INSYN1: variants seen among roughly 807,000 people sequenced by gnomAD.
The protein encoded by INSYN1 is UPF0583 protein C15orf59.
INSYN1 carries 7 observed loss-of-function variants against 17.1 expected under a neutral mutation model. The ratio of observed to expected loss-of-function variants is 0.41; its 90% confidence interval spans 0.23 to 0.77. INSYN1 has a LOEUF of 0.77. Ranked by LOEUF, INSYN1 falls within the 30% of genes least tolerant of loss-of-function variation. The pLI, the probability that INSYN1 is intolerant of heterozygous loss-of-function variation, is 0.32. For missense variants in INSYN1, 339 were observed against 400.6 expected (o/e 0.85, Z 1.31); for synonymous variants, 174 against 166.3 (o/e 1.05, Z -0.36).
chr15:73,740,127 T>C lies in INSYN1; in HGVS notation c.672A>G (p.Thr224=). The change falls in exon 3 of 3, where the codon ACA becomes ACG. Residue 224 remains threonine (T), a synonymous_variant. Coordinates refer to ENST00000569673, the MANE Select transcript of INSYN1 (RefSeq NM_001039614.3). ...EVGLPPEPAH[T]EAHAGPHKPS... is the part of the protein sequence containing the mutation. Reference sequence around the variant, plus strand: ...GCTTGTGGGGGCCTGCATGGGCCTCTGTATGGGCAGGCTCAGGGGGCAAGC... The same window carrying C: ...GCTTGTGGGGGCCTGCATGGGCCTCCGTATGGGCAGGCTCAGGGGGCAAGC... The C allele has an allele frequency of 1.2e-6, 2 of 1,613,952 alleles. No individual in the cohort carries two copies. Among genetic ancestry groups the C allele is most frequent in the Non-Finnish European group, 1.7e-6 (2 of 1,179,938 alleles).
rs982225868 is a variant in INSYN1, at chr15:73,738,792, A to G, written c.*1125T>C. ...TGGTGATTAAATGAGATGCTGCTAT[A>G]AAAAGTATTCGGCATAGAAGTAGCA... On this transcript the variant is annotated 3_prime_UTR_variant, in exon 3 of 3. Coordinates refer to ENST00000569673, the MANE Select transcript of INSYN1 (RefSeq NM_001039614.3). The G allele has an allele frequency of 6.6e-6, 1 of 152,260 alleles. No individual in the cohort carries two copies. Among genetic ancestry groups the G allele is most frequent in the Non-Finnish European group, 1.5e-5 (1 of 68,050 alleles). 9.4% of individuals were successfully genotyped at this position (152,260 alleles called of 1,614,324 possible). A position where few individuals can be genotyped will look rare whatever the true frequency, so the allele number is the denominator to read the frequency against.
intron 2 of INSYN1, among the ~76,000 whole-genome samples, chr15:73,748,866 C>T (rs920538782): frequency 6.6e-6 from 1 of 152,174 alleles, no homozygotes; most frequent in African/African-American, 2.4e-5. Context: ...GAGGCTTACC[C>T]ACTCCCCCAG....
chr15:73,740,879 C>T (rs1901675596), intron 2 of INSYN1, among the ~76,000 whole-genome samples: 1 of 152,218 alleles, frequency 6.6e-6, no homozygotes, highest in South Asian at 2.1e-4. Context: ...GTCTGTTTAC[C>T]ACTGTTCAGT....
Position 73,739,831 on chromosome 15 carries a change from T to G in INSYN1, c.*86A>C. The G allele has an allele frequency of 8.5e-6, 2 of 235,852 alleles. No individual in the cohort carries two copies. Among genetic ancestry groups the G allele is most frequent in the East Asian group, 1.0e-4 (1 of 10,020 alleles). The allele number at this position is 235,852 out of a possible 1,614,324, so 14.6% of individuals were successfully genotyped here. A position where few individuals can be genotyped will look rare whatever the true frequency, so the allele number is the denominator to read the frequency against. On this transcript the variant is annotated 3_prime_UTR_variant, in exon 3 of 3. Coordinates refer to ENST00000569673, the MANE Select transcript of INSYN1 (RefSeq NM_001039614.3). ...TTTTTAAATTTTATTATGACTTCATTTGTTTAAATATATATATATATATAT... is the reference window on the plus strand; with the variant it reads ...TTTTTAAATTTTATTATGACTTCATGTGTTTAAATATATATATATATATAT...
chr15:73,747,398 C>T (rs1336809974), intron 2 of INSYN1, among the ~76,000 whole-genome samples: 1 of 152,200 alleles, frequency 6.6e-6, no homozygotes, highest in Admixed American at 6.5e-5. Context: ...GGCTAAGAAA[C>T]TGATGTGATT....
rs1902020425 is a variant in INSYN1, at chr15:73,752,586, C to T, written c.-1044G>A. 1 of 152,274 alleles carries T rather than the reference C, an allele frequency of 6.6e-6. No individual in the cohort carries two copies. The highest frequency in any genetic ancestry group is 1.5e-5 in the Non-Finnish European group (1 of 68,158). The allele number at this position is 152,274 out of a possible 1,614,324, so 9.4% of individuals were successfully genotyped here. ...CGTGTTCCGCTGGGGTCTGCCCTGCCCTACCCCGCCCGGAGTGAGCTGGCA... is the reference window on the plus strand; with the variant it reads ...CGTGTTCCGCTGGGGTCTGCCCTGCTCTACCCCGCCCGGAGTGAGCTGGCA... On this transcript the variant is annotated 5_prime_UTR_variant, in exon 1 of 3. Coordinates refer to ENST00000569673, the MANE Select transcript of INSYN1 (RefSeq NM_001039614.3). This position sits in a 1 kb window ranked among gnomAD's most constrained non-coding sequence, Gnocchi z 5.2.
At chr15:73,746,422 G>A (rs1026308411) in intron 2 of INSYN1, among the ~76,000 whole-genome samples, 1 of 152,176 alleles carries the variant, frequency 6.6e-6, no homozygotes, top group Non-Finnish European at 1.5e-5. Flanking sequence ...GCAGCTCCGT[G>A]GTCCCCAGCC....
intron 2 of INSYN1, 115 bp from the exon 3 acceptor site, chr15:73,740,757 C>G (rs767412438): frequency 2.3e-6 from 2 of 864,172 alleles, no homozygotes; most frequent in Non-Finnish European, 3.7e-6. Context: ...GCGTACTGGA[C>G]AGGGGAGAGC....
Position 73,752,177 on chromosome 15 carries a change from G to C in INSYN1, c.-635C>G, listed in dbSNP as rs1596041490. ...GCCAAGCCCCAAGACGGAGTTGGGGGGCCCCCAAGGCTCCCTAGGGCGGGC... is the reference window on the plus strand; with the variant it reads ...GCCAAGCCCCAAGACGGAGTTGGGGCGCCCCCAAGGCTCCCTAGGGCGGGC... On this transcript the variant is annotated 5_prime_UTR_variant, in exon 1 of 3. Coordinates refer to ENST00000569673, the MANE Select transcript of INSYN1 (RefSeq NM_001039614.3). This position sits in a 1 kb window ranked among gnomAD's most constrained non-coding sequence, Gnocchi z 5.2. 1.3e-5 allele frequency: 2 copies of C among 152,474 alleles called. No homozygotes were observed. Among genetic ancestry groups the C allele is most frequent in the African/African-American group, 4.8e-5 (2 of 41,502 alleles). 9.4% of individuals were successfully genotyped at this position (152,474 alleles called of 1,614,324 possible).
rs576671915 is a variant in INSYN1, at chr15:73,739,928, C to T, written c.871G>A (p.Gly291Arg). The T allele has an allele frequency of 1.9e-6, 3 of 1,593,946 alleles. No individual in the cohort carries two copies. The highest frequency in any genetic ancestry group is 2.2e-5 in the East Asian group (1 of 44,448). ...CCCCTCCCCGGCCCCTAGTTTTTCC[C>T]CCTGGCTTTCTGTCTAGTGGCTGTG... ...PYTATRQKAR[G>R]KN Residue 291 changes from glycine to arginine, a missense_variant, in exon 3 of 3, where the codon GGG (glycine) becomes AGG (arginine). Transcript: ENST00000569673.
rs951005576 is a variant in INSYN1 at position 73,753,002 on chromosome 15, CG to C, written c.-1461del. Among the ~76,000 whole-genome samples, 6 of 150,220 alleles carry C rather than the reference CG, an allele frequency of 4.0e-5. No individual in the cohort carries two copies. The highest frequency in any genetic ancestry group is 3.3e-4 in the Admixed American group (5 of 15,146). ...GGGCGAGCGGCGGGCCGGGCCGGGC[CG>C]GGGCGCACTAGGCTCGCAGCCTCCG... On this transcript the variant is annotated 5_prime_UTR_variant, in exon 1 of 3. Transcript: ENST00000569673. This position sits in a 1 kb window ranked among gnomAD's most constrained non-coding sequence, Gnocchi z 4.2.
rs559180260 is a variant in INSYN1, at chr15:73,740,574, C to T, written c.225G>A (p.Thr75=). Residue 75 remains threonine, a synonymous_variant, in exon 3 of 3, where the codon ACG becomes ACA. Transcript: ENST00000569673. ...DFELEPDDWT[T]ATVSSTSSSD... ...TGCTAGAGGTGCTGCTCACAGTGGC[C>T]GTGGTCCAGTCGTCCGGCTCCAGTT... The T allele has an allele frequency of 2.7e-5, 44 of 1,614,074 alleles. 1 individual carries two copies. The East Asian group carries it at 5.3e-4, about 20-fold the overall frequency.
At chr15:73,745,739 G>A (rs928948433) in intron 2 of INSYN1, among the ~76,000 whole-genome samples, 1 of 151,712 alleles carries the variant, frequency 6.6e-6, no homozygotes, top group African/African-American at 2.4e-5. Context: ...AACCCAGGAG[G>A]CAGAGCTTGC....
chr15:73,748,841 G>A (rs1483231638), intron 2 of INSYN1, among the ~76,000 whole-genome samples: 2 of 152,166 alleles, frequency 1.3e-5, no homozygotes, highest in Non-Finnish European at 2.9e-5. Flanking sequence ...CCTGCCTGGG[G>A]GACGAGAGAG....
At chr15:73,742,344 G>C (rs898157114) in intron 2 of INSYN1, among the ~76,000 whole-genome samples, 11 of 152,174 alleles carry the variant, frequency 7.2e-5, no homozygotes, top group African/African-American at 2.7e-4. Context: ...GACAATCCCA[G>C]ACCACCAAGT....
At chr15:73,743,096 T>C (rs1329057798) in intron 2 of INSYN1, among the ~76,000 whole-genome samples, 1 of 151,928 alleles carries the variant, frequency 6.6e-6, no homozygotes, top group African/African-American at 2.4e-5. Context: ...AGCTGTGGAG[T>C]TTGCTGCTGC....
intron 2 of INSYN1, among the ~76,000 whole-genome samples, chr15:73,746,575 C>G (rs1291141099): frequency 6.6e-6 from 1 of 152,194 alleles, no homozygotes; most frequent in Non-Finnish European, 1.5e-5. Context: ...GCCAGGATGA[C>G]TGCTTCCTAG....
At chr15:73,749,550 G>C (rs1901923672) in intron 2 of INSYN1, among the ~76,000 whole-genome samples, 1 of 152,210 alleles carries the variant, frequency 6.6e-6, no homozygotes, top group Non-Finnish European at 1.5e-5. Flanking sequence ...TGAGACTTTG[G>C]ACAGTTCCCA....
rs1160866508 is a variant in INSYN1, at chr15:73,753,066, C to T, written c.-1524G>A. ...ACCTCCCGTCCGTTCGCTCTCGGCT[C>T]CCCGCCTCAGCAGCCCCCGGGCGCC... On this transcript the variant is annotated 5_prime_UTR_variant, in exon 1 of 3. Transcript: ENST00000569673. This position sits in a 1 kb window ranked among gnomAD's most constrained non-coding sequence, Gnocchi z 4.2. Among the ~76,000 whole-genome samples, 1 of 150,516 alleles carries T rather than the reference C, an allele frequency of 6.6e-6. No homozygotes were observed. Among genetic ancestry groups the T allele is most frequent in the African/African-American group, 2.4e-5 (1 of 41,218 alleles).
Sources: gnomAD v4.1 joint callset for allele counts (sites outside exome capture counted in the v4.1 genomes callset) on GRCh38, gnomAD v4.1.1 for gene constraint, Gnocchi (gnomAD v3.1) non-coding constraint, MANE v1.5 for transcripts, NCBI Gene and HGNC (gene_info 2026-07-23, HGNC 2026-07-21) for gene names.